The following VWC2L variants were observed in gnomAD, a reference collection of about 807,000 sequenced individuals.
The protein encoded by VWC2L is von Willebrand factor C domain-containing protein 2-like.
A neutral mutation model predicts 21.6 loss-of-function variants in VWC2L; 10 were observed. That is an observed-to-expected ratio of 0.46 (90% confidence interval 0.29 to 0.78). The LOEUF (loss-of-function observed/expected upper bound fraction) is 0.78. Among genes scored for constraint, VWC2L ranks in the 30% least tolerant of loss-of-function variants. The pLI, the probability that VWC2L is intolerant of heterozygous loss-of-function variation, is 0.10. For missense variants in VWC2L, 209 were observed against 277.1 expected, an observed-to-expected ratio of 0.75 and a Z score of 1.74; for synonymous variants, 96 against 94.3, an observed-to-expected ratio of 1.02 and a Z score of -0.10.
intron 3 of VWC2L, chr2:214,534,255 A>G (rs547406579): frequency 2.0e-5 from 3 of 152,690 alleles, no homozygotes. Flanking sequence ...ATTGTGCTGC[A>G]ATGCATATTG....
At chr2:214,509,925 A>G (rs1689028040) in intron 3 of VWC2L, among the ~76,000 whole-genome samples, 1 of 152,246 alleles carries the variant, frequency 6.6e-6, no homozygotes, top group South Asian at 2.1e-4. Flanking sequence ...TCAGAATGCC[A>G]TATTAAAATG....
intron 3 of VWC2L, among the ~76,000 whole-genome samples, chr2:214,494,967 T>G (rs1182918748): frequency 6.6e-6 from 1 of 152,164 alleles, no homozygotes; most frequent in Non-Finnish European, 1.5e-5. Flanking sequence ...TTTGCATTAC[T>G]TTGATTGTTC....
intron 2 of VWC2L, among the ~76,000 whole-genome samples, chr2:214,424,626 C>G (rs1702495287): frequency 6.6e-6 from 1 of 152,152 alleles, no homozygotes; most frequent in Non-Finnish European, 1.5e-5. Flanking sequence ...TGTATTTCAT[C>G]CAGAATTTCA....
At chr2:214,556,566 A>G (rs1030176336) in intron 3 of VWC2L, among the ~76,000 whole-genome samples, 1 of 152,144 alleles carries the variant, frequency 6.6e-6, no homozygotes, top group African/African-American at 2.4e-5. Context: ...CAACAATATA[A>G]TATCTTTTGA....
chr2:214,444,851 GATAAAA>G (rs1446184005), intron 3 of VWC2L, among the ~76,000 whole-genome samples: 2 of 151,826 alleles, frequency 1.3e-5, no homozygotes, highest in African/African-American at 4.8e-5. Context: ...TATATAAAAA[GATAAAA>G]ATAAATTTAA....
rs552319732 is a variant in VWC2L at position 214,557,799 on chromosome 2, G to A, written c.521-17873G>A. On this transcript the variant is annotated intron_variant, in intron 3 of 3. Transcript: ENST00000312504. ...GTCCCATCTAACAACACAGAATTTC[G>A]TGCCTTTCTGCTGTCTCAGGTACTC... is the stretch of plus-strand genomic sequence containing the variant. Among the ~76,000 whole-genome samples the A allele has an allele frequency of 3.3e-5, 5 of 152,146 alleles. No homozygotes were observed. In the South Asian group the frequency reaches 6.2e-4, roughly 19 times the overall value.
At chr2:214,572,120 C>G (rs1690158556) in intron 3 of VWC2L, among the ~76,000 whole-genome samples, 2 of 152,156 alleles carry the variant, frequency 1.3e-5, no homozygotes. Context: ...AAGAGAGGCC[C>G]TCACCACATT....
chr2:214,472,867 G>T (rs1020865449), intron 3 of VWC2L, among the ~76,000 whole-genome samples: 2 of 152,206 alleles, frequency 1.3e-5, no homozygotes, highest in African/African-American at 4.8e-5. Context: ...TCATTTCAGT[G>T]TGAAAATATA....
intron 3 of VWC2L, among the ~76,000 whole-genome samples, chr2:214,444,743 G>C (rs1158791768): frequency 1.3e-5 from 2 of 151,928 alleles, no homozygotes; most frequent in African/African-American, 4.8e-5. Flanking sequence ...TTACAATTTA[G>C]TACACAATTA....
At chr2:214,432,638 C>T (rs1040436874) in intron 2 of VWC2L, among the ~76,000 whole-genome samples, 1 of 152,196 alleles carries the variant, frequency 6.6e-6, no homozygotes, top group Admixed American at 6.5e-5. Context: ...GAAAGAGTCT[C>T]ATTTTGCTCT....
At chr2:214,416,301 T>C (rs1385053183) in intron 2 of VWC2L, among the ~76,000 whole-genome samples, 1 of 152,102 alleles carries the variant, frequency 6.6e-6, no homozygotes, top group South Asian at 2.1e-4. Flanking sequence ...TCAAACAATA[T>C]AGAGGTATTT....
At chr2:214,459,902 C>CTA (rs1703113624) in intron 3 of VWC2L, among the ~76,000 whole-genome samples, 7 of 85,158 alleles carry the variant, frequency 8.2e-5, no homozygotes, top group Non-Finnish European at 1.3e-4. Flanking sequence ...TTTCCTTTGA[C>CTA]TTTTTTTTTT....
chr2:214,550,860 G>C (rs562403360), intron 3 of VWC2L, among the ~76,000 whole-genome samples: 1 of 152,208 alleles, frequency 6.6e-6, no homozygotes, highest in Admixed American at 6.5e-5. Context: ...AAACTTTTCA[G>C]TGGCTCCCCA....
At chr2:214,442,444 T>TAA (rs1044477785) in intron 3 of VWC2L, among the ~76,000 whole-genome samples, 10 of 152,146 alleles carry the variant, frequency 6.6e-5, no homozygotes, top group African/African-American at 2.4e-4. Flanking sequence ...ATTATCTCAC[T>TAA]AAAAAATCAA....
At chr2:214,506,917 C>A (rs1036531386) in intron 3 of VWC2L, among the ~76,000 whole-genome samples, 1 of 151,588 alleles carries the variant, frequency 6.6e-6, no homozygotes, top group East Asian at 1.9e-4. Context: ...AGTACAAATA[C>A]ATTAAAATAT....
At chr2:214,546,905 C>T (rs953760631) in intron 3 of VWC2L, among the ~76,000 whole-genome samples, 1 of 152,148 alleles carries the variant, frequency 6.6e-6, no homozygotes, top group Non-Finnish European at 1.5e-5. Context: ...AAGGACAAAA[C>T]CTACTTTCAG....
chr2:214,557,485 T>A (rs73989068), intron 3 of VWC2L, among the ~76,000 whole-genome samples: 6,540 of 152,102 alleles, frequency 0.043, 485 homozygotes, highest in African/African-American at 0.15. Flanking sequence ...TTCCACAATA[T>A]TGCTGAGCTC....
intron 3 of VWC2L, among the ~76,000 whole-genome samples, chr2:214,484,660 G>A (rs1018695987): frequency 6.6e-6 from 1 of 152,130 alleles, no homozygotes; most frequent in African/African-American, 2.4e-5. Flanking sequence ...ATGGCATCGG[G>A]CAGAAATCAA....
At chr2:214,463,862 T>C (rs1233187239) in intron 3 of VWC2L, among the ~76,000 whole-genome samples, 1 of 152,104 alleles carries the variant, frequency 6.6e-6, no homozygotes, top group Non-Finnish European at 1.5e-5. Context: ...TTCTTTTGTC[T>C]CCTGTATGTA....
Sources: gnomAD v4.1 joint callset for allele counts (sites outside exome capture counted in the v4.1 genomes callset) on GRCh38, gnomAD v4.1.1 for gene constraint, MANE v1.5 for transcripts, NCBI Gene and HGNC (gene_info 2026-07-23, HGNC 2026-07-21) for gene names.